Variants in SPAG9 observed in about 807,000 individuals in gnomAD.
SPAG9 encodes C-Jun-amino-terminal kinase-interacting protein 4.
SPAG9 carries 35 observed loss-of-function variants against 166.5 expected under a neutral mutation model. The observed-to-expected ratio is 0.21, with a 90% CI of 0.16 to 0.28. The LOEUF (loss-of-function observed/expected upper bound fraction) is 0.28, where lower values mean the gene tolerates loss of function less well. SPAG9 is among the 10% of genes least tolerant of loss of function. The pLI is 1.00. For synonymous variants in SPAG9, 534 were observed against 565.5 expected, an observed-to-expected ratio of 0.94 and a Z score of 0.79; for missense variants, 1,235 against 1,603.3, an observed-to-expected ratio of 0.77 and a Z score of 3.92.
chr17:51,088,953 C>T (rs948065106), intron 1 of SPAG9, among the ~76,000 whole-genome samples: 5 of 151,282 alleles, frequency 3.3e-5, no homozygotes, highest in East Asian at 2.0e-4. Context: ...ATTAGCCAGG[C>T]GAGGTGGCAC....
intron 5 of SPAG9, among the ~76,000 whole-genome samples, chr17:51,032,134 G>C (rs1298358900): frequency 6.6e-6 from 1 of 152,080 alleles, no homozygotes; most frequent in East Asian, 1.9e-4. Flanking sequence ...TAACACTAAT[G>C]ATCAAAGGAT....
chr17:50,988,460 C>G (rs1165639765), intron 21 of SPAG9, among the ~76,000 whole-genome samples: 1 of 152,136 alleles, frequency 6.6e-6, no homozygotes, highest in Non-Finnish European at 1.5e-5. Flanking sequence ...TAGAGGGGAT[C>G]TAGAAAAGGC....
intron 1 of SPAG9, among the ~76,000 whole-genome samples, chr17:51,080,287 C>T (rs2048123212): frequency 6.6e-6 from 1 of 151,408 alleles, no homozygotes; most frequent in Non-Finnish European, 1.5e-5. Flanking sequence ...ATCCGCTCTC[C>T]TTAAAACTTT....
At chr17:50,985,606 C>T (rs569957160) in intron 23 of SPAG9, 92 bp downstream of exon 23, 4 of 669,244 alleles carry the variant, frequency 6.0e-6, no homozygotes, top group South Asian at 1.9e-5. Flanking sequence ...CTAATTTAGT[C>T]GTGAAACATG....
chr17:51,001,320 A>G (rs543410304), intron 13 of SPAG9, among the ~76,000 whole-genome samples: 1 of 152,346 alleles, frequency 6.6e-6, no homozygotes, highest in Non-Finnish European at 1.5e-5. Flanking sequence ...AACAGTTAGA[A>G]AAGAGAGAAA....
In SPAG9 at chr17:51,120,784, G is replaced by A. The variant is rs1299227034; in HGVS notation, c.-128C>T. Reference sequence around the variant, plus strand: ...TGGAGCCCGGGCCGGGGCTGGGGCTGGGCCCGGCGGGGTGGGGGCCGGGGC... The same window carrying A: ...TGGAGCCCGGGCCGGGGCTGGGGCTAGGCCCGGCGGGGTGGGGGCCGGGGC... On this transcript the variant is annotated 5_prime_UTR_variant, in exon 1 of 30. Transcript: ENST00000262013. This position sits in a 1 kb window ranked among gnomAD's most constrained non-coding sequence, Gnocchi z 4.7. 1.4e-6 allele frequency: 1 copy of A among 692,776 alleles called. No homozygotes were observed. Among genetic ancestry groups the A allele is most frequent in the Non-Finnish European group, 2.1e-6 (1 of 471,566 alleles). 42.9% of individuals were successfully genotyped at this position (692,776 alleles called of 1,614,324 possible).
At position 51,120,794 on chromosome 17, in the gene SPAG9, G is replaced by C. The variant is rs2049457313; in HGVS notation, c.-138C>G. On this transcript the variant is annotated 5_prime_UTR_variant, in exon 1 of 30. Coordinates refer to ENST00000262013, the MANE Select transcript of SPAG9 (RefSeq NM_001130528.3). The surrounding 1 kb of genome is among the most constrained non-coding windows in gnomAD (Gnocchi z 4.7). The stretch of plus-strand genomic sequence containing the variant: ...GCCGGGGCTGGGGCTGGGCCCGGCG[G>C]GGTGGGGGCCGGGGCCGGAGGAGGG... The C allele has an allele frequency of 4.7e-5, 29 of 616,440 alleles. No individual in the cohort carries two copies. In the South Asian group the frequency reaches 9.3e-4, roughly 20 times the overall value. The allele number at this position is 616,440 out of a possible 1,614,324, so 38.2% of individuals were successfully genotyped here. A position where few individuals can be genotyped will look rare whatever the true frequency, so the allele number is the denominator to read the frequency against.
chr17:50,995,401 C>A, intron 17 of SPAG9, 43 bp downstream of exon 17: 1 of 1,505,832 alleles, frequency 6.6e-7, no homozygotes, highest in South Asian at 1.2e-5. Context: ...AAAAACTACC[C>A]AGAGTTTAGA....
chr17:51,070,311 T>A (rs1257885485), intron 2 of SPAG9, among the ~76,000 whole-genome samples: 8 of 152,228 alleles, frequency 5.3e-5, no homozygotes, highest in Non-Finnish European at 1.5e-5. Flanking sequence ...TGTGCTAATA[T>A]GCTGTAAATA....
At chr17:51,061,482 C>T (rs1335900999) in intron 2 of SPAG9, among the ~76,000 whole-genome samples, 11 of 151,726 alleles carry the variant, frequency 7.2e-5, no homozygotes, top group African/African-American at 2.4e-4. Flanking sequence ...TGGTGGTGCA[C>T]GCCTGTAATC....
chr17:51,098,586 G>A (rs1171402596), intron 1 of SPAG9, among the ~76,000 whole-genome samples: 4 of 151,862 alleles, frequency 2.6e-5, no homozygotes, highest in Non-Finnish European at 5.9e-5. Context: ...TCTGCCTCCA[G>A]GGTTCAACCG....
At chr17:50,977,727 T>A (rs191760115) in intron 26 of SPAG9, among the ~76,000 whole-genome samples, 33 of 152,072 alleles carry the variant, frequency 2.2e-4, no homozygotes, top group African/African-American at 8.0e-4. Flanking sequence ...CTACAAAAAG[T>A]ACAAAAATTA....
intron 16 of SPAG9, 78 bp downstream of exon 16, chr17:50,996,487 G>A: frequency 6.5e-7 from 1 of 1,537,850 alleles, no homozygotes; most frequent in East Asian, 2.3e-5. Flanking sequence ...GATGCGTACA[G>A]TGAATCCTTC....
At chr17:51,007,762 T>G (rs377371305) in intron 9 of SPAG9, 1 of 411,848 alleles carries the variant, frequency 2.4e-6, no homozygotes, top group Non-Finnish European at 4.7e-6. Context: ...TGCCTAAAAA[T>G]TAGACCTTAT....
chr17:51,037,346 G>A (rs566860481), intron 5 of SPAG9, among the ~76,000 whole-genome samples: 10 of 152,048 alleles, frequency 6.6e-5, no homozygotes, highest in East Asian at 1.9e-4. Flanking sequence ...AAAATAGGCC[G>A]GGCGCGGTGG....
chr17:51,055,707 A>T (rs1048384009), intron 3 of SPAG9, among the ~76,000 whole-genome samples: 1 of 152,192 alleles, frequency 6.6e-6, no homozygotes, highest in Non-Finnish European at 1.5e-5. Flanking sequence ...CAAATATTGT[A>T]TAAAACTATA....
intron 21 of SPAG9, 167 bp downstream of exon 21, chr17:50,989,510 C>T (rs945151822): frequency 2.9e-5 from 20 of 687,332 alleles, no homozygotes; most frequent in African/African-American, 1.1e-4. Flanking sequence ...GAATATCCAG[C>T]GAGAATGATG....
Position 51,091,541 on chromosome 17 carries a change from G to GA in SPAG9, c.304-11838dup, listed in dbSNP as rs148088508. On this transcript the variant is annotated intron_variant, in intron 1 of 29. Coordinates refer to ENST00000262013, the MANE Select transcript of SPAG9 (RefSeq NM_001130528.3). ...ATATTATAAAACCACATTAGCCCTGGAAATTCCAGAGAGTCCCCTCAGCAC... is the reference window on the plus strand; with the variant it reads ...ATATTATAAAACCACATTAGCCCTGGAAAATTCCAGAGAGTCCCCTCAGCAC... Among the ~76,000 whole-genome samples, 397 of 152,004 alleles carry GA rather than the reference G, an allele frequency of 2.6e-3. 1 individual carries two copies. The highest frequency in any genetic ancestry group is 5.1e-3 in the Non-Finnish European group (349 of 67,986).
At chr17:51,118,861 G>A (rs2049378970) in intron 1 of SPAG9, among the ~76,000 whole-genome samples, 1 of 151,992 alleles carries the variant, frequency 6.6e-6, no homozygotes, top group African/African-American at 2.4e-5. Flanking sequence ...ACCATCCTAG[G>A]CACCATGGAG....
Sources: allele counts gnomAD v4.1 joint callset (sites outside exome capture counted in the v4.1 genomes callset), GRCh38; gene constraint gnomAD v4.1.1; non-coding constraint Gnocchi (gnomAD v3.1); transcripts MANE v1.5; gene names NCBI Gene and HGNC (gene_info 2026-07-23, HGNC 2026-07-21).